Variants in AGT observed in about 807,000 individuals in gnomAD.
The protein encoded by AGT is angiotensinogen, also known as alpha-1 antiproteinase, antitrypsin.
In AGT, 26 loss-of-function variants were observed where a neutral mutation model predicts 28.1. The observed-to-expected ratio is 0.92, with a 90% CI of 0.68 to 1.28. The LOEUF is 1.28. Among genes scored for constraint, AGT ranks in the 50% most tolerant of loss-of-function variants. AGT has a pLI of 0.00. For missense variants in AGT, 596 were observed against 592.3 expected, an observed-to-expected ratio of 1.01 and a Z score of -0.06; for synonymous variants, 259 against 259.6, an observed-to-expected ratio of 1.00 and a Z score of 0.02.
chr1:230,717,172 T>G (rs1028716710), upstream of AGT, among the ~76,000 whole-genome samples: 2 of 151,196 alleles, frequency 1.3e-5, no homozygotes, highest in African/African-American at 4.9e-5. Context: ...AAAGCAATTG[T>G]TTAAAGTATA....
At chr1:230,713,466 A>C (rs2102793611) in intron 1 of AGT, among the ~76,000 whole-genome samples, 1 of 152,316 alleles carries the variant, frequency 6.6e-6, no homozygotes, top group Middle Eastern at 3.4e-3. Flanking sequence ...ATAAAATTGG[A>C]ATCTGCCTTT....
upstream of AGT, among the ~76,000 whole-genome samples, chr1:230,717,809 A>T (rs1332147419): frequency 1.3e-5 from 2 of 152,194 alleles, no homozygotes; most frequent in African/African-American, 4.8e-5. Flanking sequence ...CGATTTGTAA[A>T]ATGGGCTCAT....
At chr1:230,727,601 C>A (rs565978091) in intron 1 of AGT, among the ~76,000 whole-genome samples, 2 of 152,252 alleles carry the variant, frequency 1.3e-5, no homozygotes, top group East Asian at 3.9e-4. Context: ...CAGAAGAAAT[C>A]AAGACCCTAA....
chr1:230,719,324 C>T (rs1451380154), upstream of AGT, among the ~76,000 whole-genome samples: 2 of 151,906 alleles, frequency 1.3e-5, no homozygotes, highest in Non-Finnish European at 2.9e-5. Flanking sequence ...TGGAGGAAAA[C>T]GGTCATATAA....
intron 1 of AGT, among the ~76,000 whole-genome samples, chr1:230,744,156 G>A (rs191340307): frequency 6.6e-6 from 1 of 152,316 alleles, no homozygotes; most frequent in East Asian, 1.9e-4. Context: ...GCCACTCAGG[G>A]CATTTCCCAG....
upstream of AGT, among the ~76,000 whole-genome samples, chr1:230,715,694 AG>A (rs1314392671): frequency 6.6e-6 from 1 of 152,214 alleles, no homozygotes; most frequent in Non-Finnish European, 1.5e-5. Context: ...CCTGGACACA[AG>A]GGGGAGGTAA....
rs1450643983 is a variant in AGT, at chr1:230,737,407, G to GA, written c.-31+8107_-31+8108insT. Among the ~76,000 whole-genome samples, 11 of 152,164 alleles carry GA rather than the reference G, an allele frequency of 7.2e-5. No homozygotes were observed. The East Asian group carries it at 2.1e-3, about 29-fold the overall frequency. On this transcript the variant is annotated intron_variant, in intron 1 of 4. Transcript: ENST00000681269. ...GCTCACTGCAACCTCTGCCTCCCAG[G>GA]TTCAAGCGATTCCCTGGCCCCAGCT...
chr1:230,704,111 C>T lies in AGT; in HGVS notation c.1242+82G>A, dbSNP rs61751068. The stretch of plus-strand genomic sequence containing the variant: ...GCCCTGCTGGCCCCACCCATAGCCT[C>T]CTCTGTGTCCCTTACATCCATGCCT... On this transcript the variant is annotated intron_variant, in intron 4 of 4. Coordinates refer to ENST00000366667, the MANE Select transcript of AGT (RefSeq NM_001384479.1). The T allele has an allele frequency of 6.2e-6, 10 of 1,606,548 alleles. No individual in the cohort carries two copies. The African/African-American group carries it at 1.1e-4, about 17-fold the overall frequency.
chr1:230,712,855 G>T (rs1286940823), intron 1 of AGT, among the ~76,000 whole-genome samples: 1 of 152,074 alleles, frequency 6.6e-6, no homozygotes, highest in African/African-American at 2.4e-5. Flanking sequence ...CGCCCTGAGT[G>T]CCCCTCCGCC....
In AGT at chr1:230,703,191, T is replaced by C; in HGVS notation, c.1381A>G (p.Thr461Ala). The C allele has an allele frequency of 6.2e-7, 1 of 1,614,190 alleles. No homozygotes were observed. The highest frequency in any genetic ancestry group is 8.5e-7 in the Non-Finnish European group (1 of 1,180,044). The change falls in exon 5 of 5, where the codon ACT becomes GCT. Residue 461 changes from threonine (T) to alanine (A), a missense_variant. By Grantham distance (58) the Thr-to-Ala change is moderately conservative (BLOSUM62 0). Coordinates refer to ENST00000366667, the MANE Select transcript of AGT (RefSeq NM_001384479.1). ...FLFAVYDQSATALHFLGRVAN... is the reference protein window; with the variant it reads ...FLFAVYDQSAAALHFLGRVAN... ...ACGCGGCCCAGGAAGTGCAGGGCAG[T>C]GGCGCTTTGATCATACACAGCAAAC...
chr1:230,708,441 A>AC (rs879400229), intron 2 of AGT, among the ~76,000 whole-genome samples: 24 of 151,966 alleles, frequency 1.6e-4, no homozygotes, highest in Admixed American at 1.5e-3. Flanking sequence ...GTGTGCTGCC[A>AC]CCCTCAACCG....
chr1:230,703,722 C>T (rs1430044897), intron 4 of AGT, among the ~76,000 whole-genome samples: 1 of 152,210 alleles, frequency 6.6e-6, no homozygotes, highest in Non-Finnish European at 1.5e-5. Context: ...AGAACTCCCA[C>T]TTTCTCCCCA....
intron 1 of AGT, among the ~76,000 whole-genome samples, chr1:230,723,746 G>GT (rs1663887870): frequency 6.6e-6 from 1 of 152,120 alleles, no homozygotes. Flanking sequence ...AGGAAAAATG[G>GT]TTATCTTCTC....
intron 1 of AGT, among the ~76,000 whole-genome samples, chr1:230,713,741 G>C (rs1413904748): frequency 3.9e-5 from 6 of 152,132 alleles, no homozygotes; most frequent in Non-Finnish European, 7.4e-5. Context: ...TCCTGCACAA[G>C]CCCTGCTATT....
chr1:230,709,085 C>T lies in AGT; in HGVS notation c.829+910G>A, dbSNP rs79122588. 4.5e-3 allele frequency among the ~76,000 whole-genome samples: 681 copies of T among 152,332 alleles called. 6 individuals carry two copies. The highest frequency in any genetic ancestry group is 0.016 in the African/African-American group (647 of 41,564). On this transcript the variant is annotated intron_variant, in intron 2 of 4. Transcript: ENST00000366667. ...CCCAGTGACCTCTGTCCTCTGAGAG[C>T]CCCGAGGCTTCCCTGAGTTACCTTG...
At chr1:230,729,374 G>A (rs2493141) in intron 1 of AGT, among the ~76,000 whole-genome samples, 69,360 of 152,060 alleles carry the variant, frequency 0.46, 18,629 homozygotes, top group East Asian at 0.73. Flanking sequence ...GGGGGAAGAG[G>A]TTTCCCTCCC....
intron 3 of AGT, among the ~76,000 whole-genome samples, chr1:230,705,227 C>T (rs185758114): frequency 3.4e-4 from 51 of 151,570 alleles, no homozygotes; most frequent in Non-Finnish European, 1.0e-4. Flanking sequence ...ACTGTGCACT[C>T]GAAAATGGTT....
intron 1 of AGT, among the ~76,000 whole-genome samples, chr1:230,731,697 C>A (rs1664072201): frequency 6.6e-6 from 1 of 152,120 alleles, no homozygotes; most frequent in Non-Finnish European, 1.5e-5. Flanking sequence ...GAAACCCCGT[C>A]TCTACTAAAA....
chr1:230,738,970 C>G (rs142222355), intron 1 of AGT, among the ~76,000 whole-genome samples: 1 of 152,054 alleles, frequency 6.6e-6, no homozygotes, highest in African/African-American at 2.4e-5. Context: ...ACTTCACACA[C>G]CTCCAGCAGC....
Sources: gnomAD v4.1 joint callset for allele counts (sites outside exome capture counted in the v4.1 genomes callset) on GRCh38, gnomAD v4.1.1 for gene constraint, MANE v1.5 for transcripts, NCBI Gene and HGNC (gene_info 2026-07-23, HGNC 2026-07-21) for gene names.